The following CHST5 variants were observed in gnomAD, a reference collection of about 807,000 sequenced individuals.
The protein encoded by CHST5 is GST4-alpha.
For missense variants in CHST5, 637 were observed against 602.1 expected (o/e 1.06, Z -0.61); for synonymous variants, 313 against 279.2 (o/e 1.12, Z -1.21).
Position 75,528,911 on chromosome 16 carries a change from G to C in CHST5, c.*238C>G, listed in dbSNP as rs1185332729. On this transcript the variant is annotated 3_prime_UTR_variant, in exon 4 of 4. Transcript: ENST00000336257. The stretch of plus-strand genomic sequence containing the variant: ...CTGCGCCCAGAAGAGGTAGGGGCAA[G>C]AGTTGCTTTCCATGAAGAGTGCACC... 8.4e-6 allele frequency: 4 copies of C among 477,386 alleles called. No homozygotes were observed. Among genetic ancestry groups the C allele is most frequent in the Non-Finnish European group, 1.5e-5 (4 of 271,824 alleles). 29.6% of individuals were successfully genotyped at this position (477,386 alleles called of 1,614,324 possible).
chr16:75,529,613 C>T lies in CHST5; in HGVS notation c.772G>A (p.Asp258Asn). 4 of 1,610,926 alleles carry T rather than the reference C, an allele frequency of 2.5e-6. No homozygotes were observed. The highest frequency in any genetic ancestry group is 3.4e-6 in the Non-Finnish European group (4 of 1,179,004). The change falls in exon 4 of 4, where the codon GAC becomes AAC. Residue 258 changes from aspartate (D) to asparagine (N), a missense_variant. Physicochemically the swap from Asp to Asn is conservative, Grantham distance 23. Coordinates refer to ENST00000336257, the MANE Select transcript of CHST5 (RefSeq NM_024533.5). ...LGTNGKWVEA[D>N]PHLRLIREVC... The stretch of plus-strand genomic sequence containing the variant: ...TCGCGAATCAGGCGCAGGTGAGGGT[C>T]GGCCTCCACCCACTTGCCGTTGGTG...
At position 75,530,922 on chromosome 16, in the gene CHST5, T is replaced by A. The variant is rs747130973; in HGVS notation, c.-538A>T. ...GGATCTGGGGGGATTGGGGGGTTATTATAATGAAGATGGGGGAAGGGAACA... is the reference window on the plus strand; with the variant it reads ...GGATCTGGGGGGATTGGGGGGTTATAATAATGAAGATGGGGGAAGGGAACA... On this transcript the variant is annotated 5_prime_UTR_variant, in exon 4 of 4. The change abolishes the stop of an existing upstream ORF in the 5' untranslated region. Transcript: ENST00000336257. 3.1e-5 allele frequency: 31 copies of A among 1,002,716 alleles called. No individual in the cohort carries two copies. Among genetic ancestry groups the A allele is most frequent in the Non-Finnish European group, 3.6e-5 (30 of 831,948 alleles). 62.1% of individuals were successfully genotyped at this position (1,002,716 alleles called of 1,614,324 possible).
At chr16:75,531,691 T>C (rs1432083824) in intron 3 of CHST5, 51 bp from the exon 4 acceptor site, 1 of 1,267,886 alleles carries the variant, frequency 7.9e-7, no homozygotes, top group African/African-American at 1.5e-5. Context: ...GAGACAGCCC[T>C]GTACATAGAA....
rs758316409 is a variant in CHST5 at position 75,530,157 on chromosome 16, G to A, written c.228C>T (p.Ser76=). The change falls in exon 4 of 4, where the codon TCC becomes TCT. Residue 76 remains serine (S), a synonymous_variant. Coordinates refer to ENST00000336257, the MANE Select transcript of CHST5 (RefSeq NM_024533.5). ...GCTGGCTGAAGAGCTGGCCCAAGAAGGATGAGCCCGAGCGCCACGAGGACA... is the reference window on the plus strand; with the variant it reads ...GCTGGCTGAAGAGCTGGCCCAAGAAAGATGAGCCCGAGCGCCACGAGGACA... ...LVLSSWRSGS[S]FLGQLFSQHP... is the part of the protein sequence containing the mutation. 1.9e-5 allele frequency: 31 copies of A among 1,613,652 alleles called. 1 individual carries two copies. The highest frequency in any genetic ancestry group is 1.6e-4 in the Middle Eastern group (1 of 6,062).
At position 75,529,434 on chromosome 16, in the gene CHST5, GAGGGTCAGGCC is replaced by G. The variant is rs767839294; in HGVS notation, c.940_950del (p.Gly314HisfsTer29). The G allele has an allele frequency of 4.9e-5, 79 of 1,613,052 alleles. No homozygotes were observed. Among genetic ancestry groups the G allele is most frequent in the Non-Finnish European group, 1.5e-5 (18 of 1,179,930 alleles). On this transcript the variant is annotated frameshift_variant, in exon 4 of 4. Coordinates refer to ENST00000336257, the MANE Select transcript of CHST5 (RefSeq NM_024533.5). LOFTEE classifies it low-confidence loss of function (END_TRUNC). ...GGATCCAGGCCTCGAGCTGTGGCGT[GAGGGTCAGGCC>G]GGTGAAGGCGTAGAGTGCGCGGATC...
At position 75,530,077 on chromosome 16, in the gene CHST5, G is replaced by A. The variant is rs2080502707; in HGVS notation, c.308C>T (p.Ser103Leu). 2 of 1,613,388 alleles carry A rather than the reference G, an allele frequency of 1.2e-6. No individual in the cohort carries two copies. Among genetic ancestry groups the A allele is most frequent in the Non-Finnish European group, 1.7e-6 (2 of 1,179,960 alleles). Residue 103 changes from serine to leucine, a missense_variant, in exon 4 of 4, where the codon TCG (serine) becomes TTG (leucine). Transcript: ENST00000336257. The stretch of plus-strand genomic sequence containing the variant: ...GTGCAGCGTTGCCGCGCTGCCCTGC[G>A]ACAGGGTGGTCCACACATGCCACGC... ...EPAWHVWTTL[S>L]QGSAATLHMA... is the part of the protein sequence containing the mutation.
In CHST5 at chr16:75,529,480, G is replaced by A; in HGVS notation, c.905C>T (p.Pro302Leu). Residue 302 changes from proline (P) to leucine (L), a missense_variant, in exon 4 of 4, where the codon CCG becomes CTG. Physicochemically the swap from Pro to Leu is moderately conservative, Grantham distance 98 (BLOSUM62 -3). Coordinates refer to ENST00000336257, the MANE Select transcript of CHST5 (RefSeq NM_024533.5). The part of the protein sequence containing the change: ...LVRFEDLARE[P>L]LAEIRALYAF... The stretch of plus-strand genomic sequence containing the variant: ...GTAGAGTGCGCGGATCTCTGCCAGC[G>A]GCTCCCGCGCCAGGTCCTCGAAGCG... The A allele has an allele frequency of 6.2e-7, 1 of 1,612,126 alleles. No homozygotes were observed. Among genetic ancestry groups the A allele is most frequent in the East Asian group, 2.2e-5 (1 of 44,884 alleles).
At position 75,531,048 on chromosome 16, in the gene CHST5, C is replaced by A. The variant is rs1031261552; in HGVS notation, c.-664G>T. ...AGGTATAAAACTTTTGTCAGCCAGG[C>A]GCGGTGGCTCACGCCTGTAATCCCA... On this transcript the variant is annotated 5_prime_UTR_variant, in exon 4 of 4. Coordinates refer to ENST00000336257, the MANE Select transcript of CHST5 (RefSeq NM_024533.5). 4.0e-6 allele frequency: 4 copies of A among 1,000,914 alleles called. No homozygotes were observed. The highest frequency in any genetic ancestry group is 4.7e-5 in the South Asian group (1 of 21,352). The allele number at this position is 1,000,914 out of a possible 1,614,324, so 62.0% of individuals were successfully genotyped here. A position where few individuals can be genotyped will look rare whatever the true frequency, so the allele number is the denominator to read the frequency against.
chr16:75,534,285 C>T (rs941577284), intron 2 of CHST5, among the ~76,000 whole-genome samples: 2 of 151,874 alleles, frequency 1.3e-5, no homozygotes, highest in South Asian at 2.1e-4. Context: ...TACAGTGAGC[C>T]GAGATGGCAC....
In CHST5 at chr16:75,528,931, T is replaced by C. The variant is rs2080484851; in HGVS notation, c.*218A>G. ...GGCAAGAGTTGCTTTCCATGAAGAG[T>C]GCACCTGATGAGAAGGCAGCTCCAG... On this transcript the variant is annotated 3_prime_UTR_variant, in exon 4 of 4. Coordinates refer to ENST00000336257, the MANE Select transcript of CHST5 (RefSeq NM_024533.5). 1.9e-6 allele frequency: 1 copy of C among 518,376 alleles called. No individual in the cohort carries two copies. The highest frequency in any genetic ancestry group is 3.1e-5 in the East Asian group (1 of 31,790). The allele number at this position is 518,376 out of a possible 1,614,324, so 32.1% of individuals were successfully genotyped here.
chr16:75,535,728 G>A (rs1159877053), intron 1 of CHST5, among the ~76,000 whole-genome samples: 1 of 152,134 alleles, frequency 6.6e-6, no homozygotes, highest in African/African-American at 2.4e-5. Flanking sequence ...TCGGGGAGGG[G>A]CGCTGGCCGA....
chr16:75,529,576 C>T lies in CHST5; in HGVS notation c.809G>A (p.Ser270Asn). 6.2e-7 allele frequency: 1 copy of T among 1,609,576 alleles called. No individual in the cohort carries two copies. Residue 270 changes from serine to asparagine, a missense_variant, in exon 4 of 4, where the codon AGC becomes AAC. Coordinates refer to ENST00000336257, the MANE Select transcript of CHST5 (RefSeq NM_024533.5). ...GGCGGCCTCGGCGATGCGCACGTGG[C>T]TGCGGCACACCTCGCGAATCAGGCG... ...HLRLIREVCR[S>N]HVRIAEAATL... is the part of the protein sequence containing the mutation.
intron 2 of CHST5, 97 bp downstream of exon 2, chr16:75,535,030 T>G (rs1352611815): frequency 1.3e-5 from 2 of 152,428 alleles, no homozygotes; most frequent in Non-Finnish European, 2.9e-5. Flanking sequence ...AGGTCTCTGG[T>G]GCAGGACAGA....
Position 75,530,501 on chromosome 16 carries a change from G to T in CHST5, c.-117C>A, listed in dbSNP as rs573274088. On this transcript the variant is annotated 5_prime_UTR_variant, in exon 4 of 4. Transcript: ENST00000336257. ...CAGTCGAGCACTTTCCCAGGAATACGGAGTCAAGACATAGGCCAGAATATA... is the reference window on the plus strand; with the variant it reads ...CAGTCGAGCACTTTCCCAGGAATACTGAGTCAAGACATAGGCCAGAATATA... 6.9e-7 allele frequency: 1 copy of T among 1,449,244 alleles called. No individual in the cohort carries two copies. The highest frequency in any genetic ancestry group is 2.9e-5 in the Admixed American group (1 of 34,916). The allele number at this position is 1,449,244 out of a possible 1,614,324, so 89.8% of individuals were successfully genotyped here.
In CHST5 at chr16:75,530,375, T is replaced by A; in HGVS notation, c.10A>T (p.Arg4Trp). MGM[R>W]ARVPKVAHST... Reference sequence around the variant, plus strand: ...TGGGCAACTTTAGGGACCCGGGCCCTCATGCCCATCCCATGCCCCAATTAC... The same window carrying A: ...TGGGCAACTTTAGGGACCCGGGCCCACATGCCCATCCCATGCCCCAATTAC... The change falls in exon 4 of 4, where the codon AGG becomes TGG. Residue 4 changes from arginine (R) to tryptophan (W), a missense_variant. Physicochemically the swap from Arg to Trp is moderately radical, Grantham distance 101 (BLOSUM62 -3). Transcript: ENST00000336257. The A allele has an allele frequency of 6.5e-7, 1 of 1,539,576 alleles. No homozygotes were observed.
In CHST5 at chr16:75,530,370, G is replaced by T. The variant is rs777683229; in HGVS notation, c.15C>A (p.Ala5=). 2 of 1,547,694 alleles carry T rather than the reference G, an allele frequency of 1.3e-6. No individual in the cohort carries two copies. Among genetic ancestry groups the T allele is most frequent in the African/African-American group, 2.7e-5 (2 of 73,824 alleles). The change falls in exon 4 of 4, where the codon GCC becomes GCA. Residue 5 remains alanine, a synonymous_variant. Coordinates refer to ENST00000336257, the MANE Select transcript of CHST5 (RefSeq NM_024533.5). ...TGGAGTGGGCAACTTTAGGGACCCG[G>T]GCCCTCATGCCCATCCCATGCCCCA... is the stretch of plus-strand genomic sequence containing the variant. MGMR[A]RVPKVAHSTR... is the part of the protein sequence containing the mutation.
chr16:75,529,892 T>C lies in CHST5; in HGVS notation c.493A>G (p.Ile165Val), dbSNP rs1555503749. The C allele has an allele frequency of 6.2e-7, 1 of 1,613,378 alleles. No individual in the cohort carries two copies. Among genetic ancestry groups the C allele is most frequent in the Non-Finnish European group, 8.5e-7 (1 of 1,179,946 alleles). ...PACSAFPRGT[I>V]SKQDVCKTLC... ...GTCTTGCATACGTCCTGCTTGCTGATGGTGCCTCGGGGAAAGGCGCTGCAG... is the reference window on the plus strand; with the variant it reads ...GTCTTGCATACGTCCTGCTTGCTGACGGTGCCTCGGGGAAAGGCGCTGCAG... The change falls in exon 4 of 4, where the codon ATC (isoleucine) becomes GTC (valine). Residue 165 changes from isoleucine (I) to valine (V), a missense_variant. Coordinates refer to ENST00000336257, the MANE Select transcript of CHST5 (RefSeq NM_024533.5).
At chr16:75,533,665 G>A (rs911091065) in intron 2 of CHST5, among the ~76,000 whole-genome samples, 5 of 152,144 alleles carry the variant, frequency 3.3e-5, no homozygotes, top group Non-Finnish European at 4.4e-5. Flanking sequence ...GATTACAGGC[G>A]TGAGCCATAG....
In CHST5 at chr16:75,530,616, C is replaced by A. The variant is rs1597027313; in HGVS notation, c.-232G>T. The A allele has an allele frequency of 7.1e-7, 1 of 1,408,914 alleles. No homozygotes were observed. The highest frequency in any genetic ancestry group is 3.3e-5 in the Admixed American group (1 of 30,560). The allele number at this position is 1,408,914 out of a possible 1,614,324, so 87.3% of individuals were successfully genotyped here. ...CCCACCCACCCACCTACTTACATAC[C>A]TACAGGCTATCTATCTGTAGAGAGA... On this transcript the variant is annotated 5_prime_UTR_variant, in exon 4 of 4. The change creates a new upstream start codon in the 5' untranslated region. Transcript: ENST00000336257.
Sources: allele counts gnomAD v4.1 joint callset (sites outside exome capture counted in the v4.1 genomes callset), GRCh38; gene constraint gnomAD v4.1.1; transcripts MANE v1.5; gene names NCBI Gene and HGNC (gene_info 2026-07-23, HGNC 2026-07-21).